DRICH1: variants seen among roughly 807,000 people sequenced by gnomAD.
DRICH1 encodes the protein aspartate-rich protein 1.
A neutral mutation model predicts 39.5 loss-of-function variants in DRICH1; 38 were observed. The observed-to-expected ratio is 0.96, with a 90% confidence interval of 0.74 to 1.26. The LOEUF (loss-of-function observed/expected upper bound fraction) is 1.26, where lower values mean the gene tolerates loss of function less well. Ranked by LOEUF, DRICH1 falls within the 50% of genes most tolerant of loss-of-function variation. DRICH1 has a pLI of 0.00. For synonymous variants in DRICH1, 84 were observed against 99.5 expected, an observed-to-expected ratio of 0.84 and a Z score of 0.93; for missense variants, 279 against 270.4, an observed-to-expected ratio of 1.03 and a Z score of -0.22.
the DRICH1 span, among the ~76,000 whole-genome samples, chr22:23,588,031 G>A: frequency 2.0e-5 from 3 of 152,234 alleles, no homozygotes; most frequent in Admixed American, 6.5e-5. Context: ...TGCTATATTC[G>A]CATGGAGCCC....
At chr22:23,626,921 G>C (rs1328380513) in intron 1 of DRICH1, among the ~76,000 whole-genome samples, 1 of 152,194 alleles carries the variant, frequency 6.6e-6, no homozygotes, top group Admixed American at 6.5e-5. Flanking sequence ...TGATGTGCAC[G>C]CTTTGAGTTA....
chr22:23,581,893 C>G, the DRICH1 span, among the ~76,000 whole-genome samples: 51 of 151,872 alleles, frequency 3.4e-4, 2 homozygotes, highest in African/African-American at 1.2e-3. Flanking sequence ...TGTGAGCCAC[C>G]GCGCCTGGCC....
chr22:23,606,902 C>T (rs768010041), downstream of DRICH1: 3 of 152,408 alleles, frequency 2.0e-5, no homozygotes, highest in Non-Finnish European at 2.9e-5. Context: ...CAGGCAGCTT[C>T]GTGGGGTGAT....
chr22:23,626,112 CT>C, intron 1 of DRICH1, 64 bp from the exon 2 acceptor site: 2 of 1,159,074 alleles, frequency 1.7e-6, no homozygotes, highest in East Asian at 2.4e-5. Flanking sequence ...CCTCAGGGAG[CT>C]TTGCTGGATG....
chr22:23,593,047 A>G, the DRICH1 span, among the ~76,000 whole-genome samples: 18 of 152,094 alleles, frequency 1.2e-4, no homozygotes, highest in Admixed American at 2.0e-4. Flanking sequence ...AAGAAAAAAA[A>G]AACGAAATTA....
At chr22:23,620,079 A>C (rs1280583300) in intron 5 of DRICH1, among the ~76,000 whole-genome samples, 1 of 152,198 alleles carries the variant, frequency 6.6e-6, no homozygotes, top group East Asian at 1.9e-4. Flanking sequence ...AGAGGTGAAC[A>C]AAAACATAGG....
chr22:23,608,648 G>A lies in DRICH1; in HGVS notation c.*116C>T. The A allele has an allele frequency of 9.3e-7, 1 of 1,070,384 alleles. No homozygotes were observed. The highest frequency in any genetic ancestry group is 2.6e-5 in the East Asian group (1 of 38,618). The allele number at this position is 1,070,384 out of a possible 1,614,324, so 66.3% of individuals were successfully genotyped here. A position where few individuals can be genotyped will look rare whatever the true frequency, so the allele number is the denominator to read the frequency against. ...GACTTTTTCTCTCTGCTGGGACCAA[G>A]AGTTTTCCTCAGAATGTAGAGAGGA... is the stretch of plus-strand genomic sequence containing the variant. On this transcript the variant is annotated 3_prime_UTR_variant, in exon 12 of 12. Transcript: ENST00000317749.
At chr22:23,612,788 C>T (rs949308065) in intron 11 of DRICH1, among the ~76,000 whole-genome samples, 13 of 152,124 alleles carry the variant, frequency 8.5e-5, no homozygotes, top group African/African-American at 3.1e-4. Context: ...CCCTTTAAAC[C>T]AGGAGTGCAC....
chr22:23,582,145 AT>A, the DRICH1 span, among the ~76,000 whole-genome samples: 1 of 149,820 alleles, frequency 6.7e-6, no homozygotes, highest in Non-Finnish European at 1.5e-5. Flanking sequence ...ATGCCAGCTA[AT>A]TTTTGTATTA....
chr22:23,601,001 A>G, the DRICH1 span, among the ~76,000 whole-genome samples: 1 of 152,206 alleles, frequency 6.6e-6, no homozygotes, highest in Non-Finnish European at 1.5e-5. Flanking sequence ...ACGCTTATGC[A>G]TATCAAGCAA....
At chr22:23,627,422 C>T (rs533019961) in intron 1 of DRICH1, among the ~76,000 whole-genome samples, 1 of 152,110 alleles carries the variant, frequency 6.6e-6, no homozygotes, top group African/African-American at 2.4e-5. Context: ...TGAGGAGGCA[C>T]AGATATGACT....
At chr22:23,591,252 C>T in the DRICH1 span, among the ~76,000 whole-genome samples, 12 of 152,232 alleles carry the variant, frequency 7.9e-5, no homozygotes, top group Admixed American at 7.8e-4. Context: ...GATGTGGGGT[C>T]CTCCTCCCCC....
the DRICH1 span, among the ~76,000 whole-genome samples, chr22:23,593,118 C>T: frequency 7.9e-5 from 12 of 151,540 alleles, no homozygotes; most frequent in East Asian, 3.9e-4. Context: ...ATCTTAAATA[C>T]GCTCAAACAG....
At chr22:23,589,841 C>T in the DRICH1 span, among the ~76,000 whole-genome samples, 69 of 152,278 alleles carry the variant, frequency 4.5e-4, no homozygotes, top group Non-Finnish European at 8.8e-5. Flanking sequence ...CTGGGCCATT[C>T]ACGCTCCTGC....
At chr22:23,616,527 T>G (rs184399702) in intron 8 of DRICH1, among the ~76,000 whole-genome samples, 2 of 152,314 alleles carry the variant, frequency 1.3e-5, no homozygotes, top group Admixed American at 1.3e-4. Context: ...ACTTGAAATC[T>G]TTTTACCTAC....
rs201282726 is a variant in DRICH1, at chr22:23,631,915, C to T, written c.109G>A (p.Ala37Thr). 1.1e-5 allele frequency: 18 copies of T among 1,613,626 alleles called. No homozygotes were observed. Among genetic ancestry groups the T allele is most frequent in the Admixed American group, 1.0e-4 (6 of 60,028 alleles). Residue 37 changes from alanine (A) to threonine (T), a missense_variant, in exon 1 of 12, where the codon GCA (alanine) becomes ACA (threonine). Physicochemically the swap from Ala to Thr is moderately conservative, Grantham distance 58. Coordinates refer to ENST00000317749, the MANE Select transcript of DRICH1 (RefSeq NM_016449.4). ...TCTACAGTAGTGGATTCTGATGTTG[C>T]AGCAGCCACAGTCTCATAAATATCA... ...DTDIYETVAA[A>T]TSESTTVEPG...
At chr22:23,589,517 TAAAATAA>T in the DRICH1 span, among the ~76,000 whole-genome samples, 1 of 151,572 alleles carries the variant, frequency 6.6e-6, no homozygotes, top group South Asian at 2.1e-4. Context: ...TGTGTATATA[TAAAATAA>T]AAAATATATA....
chr22:23,612,978 C>A (rs1927129608), intron 11 of DRICH1, among the ~76,000 whole-genome samples: 2 of 152,130 alleles, frequency 1.3e-5, no homozygotes, highest in African/African-American at 2.4e-5. Flanking sequence ...TAGGCCTATA[C>A]CCCTTGTGCC....
chr22:23,589,591 A>G, the DRICH1 span, among the ~76,000 whole-genome samples: 1 of 152,226 alleles, frequency 6.6e-6, no homozygotes, highest in Non-Finnish European at 1.5e-5. Context: ...ATAAGAATGT[A>G]TTAATCACAG....
Sources: allele counts gnomAD v4.1 joint callset (sites outside exome capture counted in the v4.1 genomes callset), GRCh38; gene constraint gnomAD v4.1.1; transcripts MANE v1.5; gene names NCBI Gene and HGNC (gene_info 2026-07-23, HGNC 2026-07-21).